SUGCT: variants seen among roughly 807,000 people sequenced by gnomAD.
The protein encoded by SUGCT is succinyl-CoA:glutarate CoA-transferase.
Under a neutral mutation model 55.0 loss-of-function variants are expected in SUGCT, and 41 were observed. The observed-to-expected ratio is 0.74, with a 90% CI of 0.58 to 0.97. SUGCT has a LOEUF of 0.97. Among genes scored for constraint, SUGCT ranks in the 50% least tolerant of loss-of-function variants. The pLI is 0.00. For missense variants in SUGCT, 568 were observed against 547.8 expected, an observed-to-expected ratio of 1.04 and a Z score of -0.37; for synonymous variants, 187 against 200.4, an observed-to-expected ratio of 0.93 and a Z score of 0.56.
At chr7:40,395,825 A>G (rs1785697503) in intron 9 of SUGCT, among the ~76,000 whole-genome samples, 1 of 152,220 alleles carries the variant, frequency 6.6e-6, no homozygotes, top group South Asian at 2.1e-4. Context: ...CCAAGTGGGA[A>G]GTTATCATTC....
intron 9 of SUGCT, among the ~76,000 whole-genome samples, chr7:40,332,486 A>T (rs954792343): frequency 6.8e-6 from 1 of 147,936 alleles, no homozygotes; most frequent in Non-Finnish European, 1.5e-5. Context: ...TAAATTTAAG[A>T]TATATTTCTA....
the SUGCT span, among the ~76,000 whole-genome samples, chr7:41,031,805 G>C: frequency 5.3e-3 from 801 of 152,178 alleles, 3 homozygotes; most frequent in African/African-American, 0.018. Context: ...TGGGCTGCAT[G>C]CCTGGCATAT....
chr7:40,510,883 A>G (rs1351097306), intron 12 of SUGCT, among the ~76,000 whole-genome samples: 1 of 152,184 alleles, frequency 6.6e-6, no homozygotes, highest in Non-Finnish European at 1.5e-5. Flanking sequence ...GTTGTGGGAA[A>G]AAGGACCATT....
the SUGCT span, among the ~76,000 whole-genome samples, chr7:40,954,677 A>C: frequency 1.3e-5 from 2 of 152,086 alleles, 1 homozygote; most frequent in Admixed American, 1.3e-4. Flanking sequence ...TTTTGTTGCC[A>C]TTGGTTTTGG....
intron 12 of SUGCT, among the ~76,000 whole-genome samples, chr7:40,715,281 G>A (rs1785961017): frequency 6.6e-6 from 1 of 152,104 alleles, no homozygotes; most frequent in South Asian, 2.1e-4. Flanking sequence ...ATTGATGCGG[G>A]GTGGGATGGG....
the SUGCT span, among the ~76,000 whole-genome samples, chr7:40,920,049 T>A: frequency 3.9e-5 from 6 of 152,220 alleles, no homozygotes; most frequent in Admixed American, 2.0e-4. Flanking sequence ...TGGGAGCACC[T>A]TCTCGGAGGT....
At chr7:40,835,691 A>G (rs550212522) in intron 13 of SUGCT, among the ~76,000 whole-genome samples, 1 of 152,334 alleles carries the variant, frequency 6.6e-6, no homozygotes, top group Non-Finnish European at 1.5e-5. Flanking sequence ...TTAAAAACAT[A>G]AACATATTTA....
At chr7:40,985,829 A>T in the SUGCT span, among the ~76,000 whole-genome samples, 8 of 152,208 alleles carry the variant, frequency 5.3e-5, no homozygotes, top group Non-Finnish European at 7.3e-5. Context: ...AATAGGGAAA[A>T]GCAGCCCTTC....
At chr7:40,288,484 GT>G (rs900387949) in intron 8 of SUGCT, among the ~76,000 whole-genome samples, 4 of 150,948 alleles carry the variant, frequency 2.6e-5, no homozygotes, top group South Asian at 2.1e-4. Flanking sequence ...AAAATTCAGG[GT>G]TTTTTTTTCT....
At chr7:40,597,870 C>T (rs1209799155) in intron 12 of SUGCT, among the ~76,000 whole-genome samples, 1 of 152,034 alleles carries the variant, frequency 6.6e-6, no homozygotes, top group Admixed American at 6.6e-5. Context: ...TCAGCCTATC[C>T]TGACAAATAT....
rs190876390 is a variant in SUGCT at position 40,445,939 on chromosome 7, A to G, written c.817-3348A>G. 2.4e-3 allele frequency among the ~76,000 whole-genome samples: 358 copies of G among 152,148 alleles called. 1 individual carries two copies. Among genetic ancestry groups the G allele is most frequent in the Non-Finnish European group, 3.6e-3 (244 of 67,970 alleles). On this transcript the variant is annotated intron_variant, in intron 9 of 13. Coordinates refer to ENST00000335693, the MANE Select transcript of SUGCT (RefSeq NM_001193313.2). ...ATGAGTTCTTCACTTTTCAATGATC[A>G]TTGACTAGTTACCTTTGCATAAAAT...
intron 12 of SUGCT, among the ~76,000 whole-genome samples, chr7:40,670,699 T>C (rs1369136129): frequency 6.6e-6 from 1 of 152,056 alleles, no homozygotes; most frequent in Admixed American, 6.6e-5. Context: ...CTTTCAAAAA[T>C]GCAAAATACT....
At chr7:40,873,092 A>G in the SUGCT span, among the ~76,000 whole-genome samples, 1 of 152,136 alleles carries the variant, frequency 6.6e-6, no homozygotes, top group Non-Finnish European at 1.5e-5. Context: ...TCTTCTCTAC[A>G]ATATGGAGCT....
At chr7:40,525,482 G>A (rs888931987) in intron 12 of SUGCT, among the ~76,000 whole-genome samples, 3 of 152,068 alleles carry the variant, frequency 2.0e-5, no homozygotes, top group African/African-American at 4.8e-5. Flanking sequence ...GTCATGAGAA[G>A]TATAAAGGAA....
At chr7:40,630,262 C>G (rs1799728405) in intron 12 of SUGCT, among the ~76,000 whole-genome samples, 2 of 152,204 alleles carry the variant, frequency 1.3e-5, no homozygotes, top group Non-Finnish European at 2.9e-5. Context: ...ATACCAGCTA[C>G]GTATGAAGTC....
intron 12 of SUGCT, among the ~76,000 whole-genome samples, chr7:40,595,023 G>GA (rs1173201772): frequency 6.6e-6 from 1 of 151,870 alleles, no homozygotes; most frequent in East Asian, 1.9e-4. Flanking sequence ...CCCTGAATAT[G>GA]AAAAAAGAGG....
At chr7:40,521,502 A>C (rs948173245) in intron 12 of SUGCT, among the ~76,000 whole-genome samples, 2 of 152,148 alleles carry the variant, frequency 1.3e-5, no homozygotes, top group Non-Finnish European at 2.9e-5. Context: ...AAGAAGGCAT[A>C]GGTTACTGAC....
At chr7:40,291,213 T>C (rs1161928826) in intron 8 of SUGCT, among the ~76,000 whole-genome samples, 2 of 152,098 alleles carry the variant, frequency 1.3e-5, no homozygotes, top group East Asian at 1.9e-4. Context: ...CACGTGTGTT[T>C]ATTGCGGCAC....
chr7:40,975,754 T>C, the SUGCT span, among the ~76,000 whole-genome samples: 1 of 152,322 alleles, frequency 6.6e-6, no homozygotes, highest in African/African-American at 2.4e-5. Flanking sequence ...CATCCTTAGA[T>C]GCAAGGGAGA....
Sources: gnomAD v4.1 joint callset for allele counts (sites outside exome capture counted in the v4.1 genomes callset) on GRCh38, gnomAD v4.1.1 for gene constraint, MANE v1.5 for transcripts, NCBI Gene and HGNC (gene_info 2026-07-23, HGNC 2026-07-21) for gene names.